Variants in RAB15 observed in about 807,000 individuals in gnomAD.
RAB15 encodes the protein ras-related protein Rab-15.
A neutral mutation model predicts 31.8 loss-of-function variants in RAB15; 13 were observed. The observed-to-expected ratio is 0.41, with a 90% CI of 0.27 to 0.65. The LOEUF (loss-of-function observed/expected upper bound fraction) is 0.65, where lower values mean the gene tolerates loss of function less well. RAB15 is among the 30% of genes least tolerant of loss of function. The pLI is 0.32. For synonymous variants in RAB15, 100 were observed against 105.6 expected, an observed-to-expected ratio of 0.95 and a Z score of 0.33; for missense variants, 220 against 277.3, an observed-to-expected ratio of 0.79 and a Z score of 1.47.
rs150501648 is a variant in RAB15 at position 64,951,027 on chromosome 14, G to T, written c.324+47C>A. The T allele has an allele frequency of 6.2e-7, 1 of 1,613,570 alleles. No homozygotes were observed. Among genetic ancestry groups the T allele is most frequent in the Non-Finnish European group, 8.5e-7 (1 of 1,179,962 alleles). ...ATCTGGCCCTCGCCTTGCCTTCCCC[G>T]GTGAGGCACCCTCTCCACACCCCGG... On this transcript the variant is annotated intron_variant, in intron 4 of 6. Coordinates refer to ENST00000533601, the MANE Select transcript of RAB15 (RefSeq NM_001308154.2). This position sits in a 1 kb window ranked among gnomAD's most constrained non-coding sequence, Gnocchi z 7.2.
chr14:64,964,520 AAAAAAAAAAAG>A, intron 1 of RAB15, among the ~76,000 whole-genome samples: 1 of 142,600 alleles, frequency 7.0e-6, no homozygotes, highest in East Asian at 2.3e-4. Context: ...CTCTGTTTCA[AAAAAAAAAAAG>A]AAAAAAAGAA....
chr14:64,970,453 T>G lies in RAB15; in HGVS notation c.124+1500A>C, dbSNP rs1216853270. Among the ~76,000 whole-genome samples, 1 of 152,178 alleles carries G rather than the reference T, an allele frequency of 6.6e-6. No homozygotes were observed. Among genetic ancestry groups the G allele is most frequent in the Non-Finnish European group, 1.5e-5 (1 of 68,040 alleles). On this transcript the variant is annotated intron_variant, in intron 1 of 6. Transcript: ENST00000533601. This position sits in a 1 kb window ranked among gnomAD's most constrained non-coding sequence, Gnocchi z 4.1. Reference sequence around the variant, plus strand: ...CATGGCTCAGCCCAAGCTCCTGGGTTTCCTAAGAGTTGGCCTTACAGCTCC... The same window carrying G: ...CATGGCTCAGCCCAAGCTCCTGGGTGTCCTAAGAGTTGGCCTTACAGCTCC...
In RAB15 at chr14:64,970,494, C is replaced by G. The variant is rs1233138631; in HGVS notation, c.124+1459G>C. On this transcript the variant is annotated intron_variant, in intron 1 of 6. Transcript: ENST00000533601. The surrounding 1 kb of genome is among the most constrained non-coding windows in gnomAD (Gnocchi z 4.1). ...TTACAGCTCCTCTGAGAAAGACGGACAAGTTCTGTTCCCTGACCCTAAGTC... is the reference window on the plus strand; with the variant it reads ...TTACAGCTCCTCTGAGAAAGACGGAGAAGTTCTGTTCCCTGACCCTAAGTC... Among the ~76,000 whole-genome samples the G allele has an allele frequency of 1.4e-4, 21 of 152,196 alleles. No homozygotes were observed. The highest frequency in any genetic ancestry group is 2.1e-4 in the South Asian group (1 of 4,838).
chr14:64,964,561 A>C (rs1887026907), intron 1 of RAB15, among the ~76,000 whole-genome samples: 1 of 151,790 alleles, frequency 6.6e-6, no homozygotes, highest in Non-Finnish European at 1.5e-5. Flanking sequence ...AAAAGAAAAC[A>C]AACCACTTTT....
At position 64,953,868 on chromosome 14, in the gene RAB15, G is replaced by C. The variant is rs750851810; in HGVS notation, c.125-1297C>G. The C allele has an allele frequency of 7.1e-6, 7 of 985,356 alleles. No homozygotes were observed. The highest frequency in any genetic ancestry group is 8.4e-6 in the Non-Finnish European group (7 of 829,900). The allele number at this position is 985,356 out of a possible 1,614,324, so 61.0% of individuals were successfully genotyped here. A position where few individuals can be genotyped will look rare whatever the true frequency, so the allele number is the denominator to read the frequency against. ...TCAGATGGGAACATGGTAGAGTTCC[G>C]AACCGTCTGCCACCAGCTGCACTGC... On this transcript the variant is annotated intron_variant, in intron 1 of 6. Coordinates refer to ENST00000533601, the MANE Select transcript of RAB15 (RefSeq NM_001308154.2). The surrounding 1 kb of genome is among the most constrained non-coding windows in gnomAD (Gnocchi z 4.6).
Position 64,952,310 on chromosome 14 carries a change from G to C in RAB15, c.185+201C>G, listed in dbSNP as rs899089002. Reference sequence around the variant, plus strand: ...TAATTCCTGCCCTTTGGTGCTTGTAGTCAATCCCCTAAAGTTTCTTAGAGG... The same window carrying C: ...TAATTCCTGCCCTTTGGTGCTTGTACTCAATCCCCTAAAGTTTCTTAGAGG... On this transcript the variant is annotated intron_variant, in intron 2 of 6. Transcript: ENST00000533601. This position sits in a 1 kb window ranked among gnomAD's most constrained non-coding sequence, Gnocchi z 4.2. Among the ~76,000 whole-genome samples the C allele has an allele frequency of 6.6e-6, 1 of 152,168 alleles. No individual in the cohort carries two copies. Among genetic ancestry groups the C allele is most frequent in the Non-Finnish European group, 1.5e-5 (1 of 68,030 alleles).
In RAB15 at chr14:64,968,261, G is replaced by A. The variant is rs147410448; in HGVS notation, c.124+3692C>T. ...GCATCTAAACTGCCTAGAGCCCCACGGACACCTACTCAATCCCACCTCTGT... is the reference window on the plus strand; with the variant it reads ...GCATCTAAACTGCCTAGAGCCCCACAGACACCTACTCAATCCCACCTCTGT... On this transcript the variant is annotated intron_variant, in intron 1 of 6. Coordinates refer to ENST00000533601, the MANE Select transcript of RAB15 (RefSeq NM_001308154.2). The surrounding 1 kb of genome is among the most constrained non-coding windows in gnomAD (Gnocchi z 4.9). 4.3e-4 allele frequency among the ~76,000 whole-genome samples: 66 copies of A among 152,202 alleles called. No homozygotes were observed. Among genetic ancestry groups the A allele is most frequent in the African/African-American group, 1.3e-3 (56 of 41,522 alleles).
At chr14:64,949,752 A>G (rs539631144) in intron 5 of RAB15, among the ~76,000 whole-genome samples, 19 of 151,942 alleles carry the variant, frequency 1.3e-4, no homozygotes, top group Admixed American at 2.0e-4. Flanking sequence ...AAGAAAGAAA[A>G]AAAAAATAAC....
At position 64,951,485 on chromosome 14, in the gene RAB15, G is replaced by A. The variant is rs764355523; in HGVS notation, c.246+118C>T. The A allele has an allele frequency of 1.5e-4, 135 of 928,594 alleles. No individual in the cohort carries two copies. The East Asian group carries it at 1.7e-3, about 12-fold the overall frequency. 57.5% of individuals were successfully genotyped at this position (928,594 alleles called of 1,614,324 possible). On this transcript the variant is annotated intron_variant, in intron 3 of 6. Transcript: ENST00000533601. The surrounding 1 kb of genome is among the most constrained non-coding windows in gnomAD (Gnocchi z 7.2). Reference sequence around the variant, plus strand: ...AGTGAACAGCTGAAAGACGCCCTGCGCTCCTCCAAGCAGGCGAACTGTATT... The same window carrying A: ...AGTGAACAGCTGAAAGACGCCCTGCACTCCTCCAAGCAGGCGAACTGTATT...
rs200077987 is a variant in RAB15 at position 64,948,634 on chromosome 14, G to A, written c.480+34C>T. The A allele has an allele frequency of 2.3e-5, 37 of 1,613,438 alleles. No homozygotes were observed. In the East Asian group the frequency reaches 4.5e-4, roughly 19 times the overall value. ...CTCCCACCTCTGCTGGACTCAGCCC[G>A]AGAGAGCGGGCGCCTGGTCACCAGG... On this transcript the variant is annotated intron_variant, in intron 6 of 6. Transcript: ENST00000533601. The surrounding 1 kb of genome is among the most constrained non-coding windows in gnomAD (Gnocchi z 7.0).
intron 1 of RAB15, among the ~76,000 whole-genome samples, chr14:64,956,314 G>A (rs1016288892): frequency 6.6e-6 from 1 of 151,734 alleles, no homozygotes; most frequent in Non-Finnish European, 1.5e-5. Flanking sequence ...GGTCTGGGGT[G>A]TGGGGAGAAT....
At chr14:64,969,291 T>C (rs1887304601) in intron 1 of RAB15, among the ~76,000 whole-genome samples, 1 of 152,222 alleles carries the variant, frequency 6.6e-6, no homozygotes, top group African/African-American at 2.4e-5. Context: ...AGCACTCATT[T>C]CGTTGGCTCC....
chr14:64,955,356 C>A lies in RAB15; in HGVS notation c.125-2785G>T, dbSNP rs535282458. Among the ~76,000 whole-genome samples the A allele has an allele frequency of 3.3e-5, 5 of 152,314 alleles. No individual in the cohort carries two copies. In the South Asian group the frequency reaches 1.0e-3, roughly 32 times the overall value. On this transcript the variant is annotated intron_variant, in intron 1 of 6. Transcript: ENST00000533601. This position sits in a 1 kb window ranked among gnomAD's most constrained non-coding sequence, Gnocchi z 4.4. The stretch of plus-strand genomic sequence containing the variant: ...CAACCTGGGCCTTCAGCTGTGTCCA[C>A]CTACCAGTCAAGCCCTGGCCCCAGT...
At chr14:64,949,332 T>G (rs919814778) in intron 5 of RAB15, among the ~76,000 whole-genome samples, 12 of 152,180 alleles carry the variant, frequency 7.9e-5, no homozygotes, top group African/African-American at 2.9e-4. Flanking sequence ...TACCAAACAA[T>G]CAATTTCATT....
At chr14:64,956,024 C>T (rs2139979531) in intron 1 of RAB15, among the ~76,000 whole-genome samples, 1 of 152,330 alleles carries the variant, frequency 6.6e-6, no homozygotes, top group East Asian at 1.9e-4. Flanking sequence ...GATGACGCTA[C>T]TGTCCACATA....
At chr14:64,969,494 G>A (rs1420895268) in intron 1 of RAB15, among the ~76,000 whole-genome samples, 1 of 152,172 alleles carries the variant, frequency 6.6e-6, no homozygotes, top group East Asian at 1.9e-4. Context: ...TACCCAGTGG[G>A]GCAGATTTTA....
In RAB15 at chr14:64,952,269, G is replaced by A. The variant is rs1438808347; in HGVS notation, c.185+242C>T. On this transcript the variant is annotated intron_variant, in intron 2 of 6. Coordinates refer to ENST00000533601, the MANE Select transcript of RAB15 (RefSeq NM_001308154.2). The surrounding 1 kb of genome is among the most constrained non-coding windows in gnomAD (Gnocchi z 4.2). ...TCCTGAGATAAATTCACAATGGTTA[G>A]TGTGCCAGTTCCTTCTAATTCCTGC... Among the ~76,000 whole-genome samples, 1 of 152,220 alleles carries A rather than the reference G, an allele frequency of 6.6e-6. No homozygotes were observed. The highest frequency in any genetic ancestry group is 1.5e-5 in the Non-Finnish European group (1 of 68,046).
In RAB15 at chr14:64,952,182, G is replaced by C. The variant is rs770872189; in HGVS notation, c.185+329C>G. Among the ~76,000 whole-genome samples, 4 of 152,160 alleles carry C rather than the reference G, an allele frequency of 2.6e-5. No homozygotes were observed. Among genetic ancestry groups the C allele is most frequent in the African/African-American group, 9.7e-5 (4 of 41,418 alleles). On this transcript the variant is annotated intron_variant, in intron 2 of 6. Transcript: ENST00000533601. The surrounding 1 kb of genome is among the most constrained non-coding windows in gnomAD (Gnocchi z 4.2). Reference sequence around the variant, plus strand: ...TCAGGGTCTCGCCCTAAATGATGGGGGGTGTAGCCTCCTTCCTTCCAATCT... The same window carrying C: ...TCAGGGTCTCGCCCTAAATGATGGGCGGTGTAGCCTCCTTCCTTCCAATCT...
chr14:64,948,486 C>A lies in RAB15; in HGVS notation c.507G>T (p.Val169=). ...CCAGCTCCTTCCTATGGGCCTGCAG[C>A]ACCAGCTCTGTCAGACGCGTGAATG... The part of the protein sequence containing the change: ...KESFTRLTEL[V]LQAHRKELEG... Residue 169 remains valine (V), a synonymous_variant, in exon 7 of 7, where the codon GTG becomes GTT. Transcript: ENST00000533601. The surrounding 1 kb of genome is among the most constrained non-coding windows in gnomAD (Gnocchi z 7.0). 1 of 1,611,024 alleles carries A rather than the reference C, an allele frequency of 6.2e-7. No homozygotes were observed.
Sources: allele counts gnomAD v4.1 joint callset (sites outside exome capture counted in the v4.1 genomes callset), GRCh38; gene constraint gnomAD v4.1.1; non-coding constraint Gnocchi (gnomAD v3.1); transcripts MANE v1.5; gene names NCBI Gene and HGNC (gene_info 2026-07-23, HGNC 2026-07-21).